Variants in CCKBR observed in about 807,000 individuals in gnomAD.
The protein encoded by CCKBR is cholecystokinin B receptor.
CCKBR carries 33 observed loss-of-function variants against 34.6 expected under a neutral mutation model. The observed-to-expected ratio is 0.95, with a 90% CI of 0.72 to 1.27. The LOEUF (loss-of-function observed/expected upper bound fraction) is 1.27, where lower values mean the gene tolerates loss of function less well. Among genes scored for constraint, CCKBR ranks in the 50% most tolerant of loss-of-function variants. CCKBR has a pLI of 0.00. For missense variants in CCKBR, 652 were observed against 617.4 expected (o/e 1.06, Z -0.59); for synonymous variants, 269 against 267.5 (o/e 1.01, Z -0.06).
rs776302797 is a variant in CCKBR at position 6,260,002 on chromosome 11, GGGC to G, written c.76_78del (p.Ala26del). 1.3e-6 allele frequency: 2 copies of G among 1,588,306 alleles called. No individual in the cohort carries two copies. The highest frequency in any genetic ancestry group is 2.3e-5 in the South Asian group (2 of 88,424). On this transcript the variant is annotated inframe_deletion, in exon 1 of 5. Coordinates refer to ENST00000334619, the MANE Select transcript of CCKBR (RefSeq NM_176875.4). The stretch of plus-strand genomic sequence containing the variant: ...CCGGGGGCTTCCCTGTGCCGCCCGG[GGGC>G]GCCTCTCCTCAACAGCAGCAGTGTG...
In CCKBR at chr11:6,270,721, C is replaced by A. The variant is rs202013673; in HGVS notation, c.729C>A (p.Arg243=). 1.4e-5 allele frequency: 22 copies of A among 1,614,190 alleles called. No individual in the cohort carries two copies. The highest frequency in any genetic ancestry group is 1.4e-5 in the Non-Finnish European group (16 of 1,180,036). The change falls in exon 4 of 5, where the codon CGC becomes CGA. Residue 243 remains arginine (R), a synonymous_variant. Transcript: ENST00000334619. ...VMAVAYGLIS[R]ELYLGLRFDG... is the part of the protein sequence containing the mutation. ...CCGTGGCCTACGGGCTTATCTCTCGCGAGCTCTACTTAGGGCTTCGCTTTG... is the reference window on the plus strand; with the variant it reads ...CCGTGGCCTACGGGCTTATCTCTCGAGAGCTCTACTTAGGGCTTCGCTTTG...
At position 6,269,708 on chromosome 11, in the gene CCKBR, T is replaced by G; in HGVS notation, c.191T>G (p.Ile64Ser). 1 of 1,614,130 alleles carries G rather than the reference T, an allele frequency of 6.2e-7. No individual in the cohort carries two copies. The highest frequency in any genetic ancestry group is 2.2e-5 in the East Asian group (1 of 44,870). The change falls in exon 2 of 5, where the codon ATC becomes AGC. Residue 64 changes from isoleucine (I) to serine (S), a missense_variant. Physicochemically the swap from Ile to Ser is moderately radical, Grantham distance 142. Transcript: ENST00000334619. ...ATTAGAATCACTCTTTACGCAGTGATCTTCCTGATGAGCGTTGGAGGAAAT... is the reference window on the plus strand; with the variant it reads ...ATTAGAATCACTCTTTACGCAGTGAGCTTCCTGATGAGCGTTGGAGGAAAT... ...LAIRITLYAV[I>S]FLMSVGGNML...
At position 6,269,905 on chromosome 11, in the gene CCKBR, G is replaced by GT. The variant is rs1848267571; in HGVS notation, c.391dup (p.Ser131PhefsTer122). Reference sequence around the variant, plus strand: ...CTTTGGCACCGTCATCTGCAAGGCGGTTTCCTACCTCATGGGTGGGTGAGA... The same window carrying GT: ...CTTTGGCACCGTCATCTGCAAGGCGGTTTTCCTACCTCATGGGTGGGTGAGA... On this transcript the variant is annotated frameshift_variant, in exon 2 of 5. Transcript: ENST00000334619. LOFTEE classifies it high-confidence loss of function. 1 of 1,613,848 alleles carries GT rather than the reference G, an allele frequency of 6.2e-7. No homozygotes were observed. The highest frequency in any genetic ancestry group is 1.3e-5 in the African/African-American group (1 of 74,878).
chr11:6,266,673 G>A (rs919833337), intron 1 of CCKBR, among the ~76,000 whole-genome samples: 2 of 152,076 alleles, frequency 1.3e-5, no homozygotes, highest in Non-Finnish European at 2.9e-5. Flanking sequence ...TGCTGAGTTC[G>A]GTTTGGAAGT....
chr11:6,261,462 T>TATACACACACACACACACAC (rs764173521), intron 1 of CCKBR, among the ~76,000 whole-genome samples: 1 of 64,000 alleles, frequency 1.6e-5, no homozygotes, highest in African/African-American at 6.0e-5. Flanking sequence ...AAAATATATA[T>TATACACACACACACACACAC]ACACACACAC....
At chr11:6,265,347 C>T (rs987459551) in intron 1 of CCKBR, among the ~76,000 whole-genome samples, 1 of 152,198 alleles carries the variant, frequency 6.6e-6, no homozygotes, top group African/African-American at 2.4e-5. Context: ...TATTTAGCTC[C>T]ATCTTTATGG....
At chr11:6,265,843 C>A (rs1383618206) in intron 1 of CCKBR, among the ~76,000 whole-genome samples, 1 of 152,170 alleles carries the variant, frequency 6.6e-6, no homozygotes, top group Non-Finnish European at 1.5e-5. Flanking sequence ...CAAGGACCTT[C>A]CAACATGTGT....
intron 1 of CCKBR, among the ~76,000 whole-genome samples, chr11:6,261,462 T>TATATATATATACACACACACACAC (rs764173521): frequency 2.5e-4 from 16 of 64,002 alleles, no homozygotes; most frequent in African/African-American, 8.4e-4. Context: ...AAAATATATA[T>TATATATATATACACACACACACAC]ACACACACAC....
chr11:6,271,425 G>A lies in CCKBR; in HGVS notation c.1226G>A (p.Cys409Tyr). 2 of 1,613,714 alleles carry A rather than the reference G, an allele frequency of 1.2e-6. No individual in the cohort carries two copies. The highest frequency in any genetic ancestry group is 1.7e-6 in the Non-Finnish European group (2 of 1,180,030). Residue 409 changes from cysteine to tyrosine, a missense_variant, in exon 5 of 5, where the codon TGC (cysteine) becomes TAC (tyrosine). Cys to Tyr is a radical substitution (Grantham distance 194). Transcript: ENST00000334619. ...TGCCTGGAAACTTGCGCTCGCTGCT[G>A]CCCCCGGCCTCCACGAGCTCGCCCC... The part of the protein sequence containing the change: ...QACLETCARC[C>Y]PRPPRARPRA...
Position 6,259,900 on chromosome 11 carries a change from T to TTAAAAA in CCKBR, c.-29_-28insTAAAAA. ...GCGTTGGGAGCCCGCCGGGTCGAGC[T>TTAAAAA]GAGTAAGGCGGCGGGCTCGGCGGGG... is the stretch of plus-strand genomic sequence containing the variant. On this transcript the variant is annotated 5_prime_UTR_variant, in exon 1 of 5. Transcript: ENST00000334619. 7.1e-7 allele frequency: 1 copy of TTAAAAA among 1,408,782 alleles called. No individual in the cohort carries two copies. The highest frequency in any genetic ancestry group is 9.2e-7 in the Non-Finnish European group (1 of 1,083,760). The allele number at this position is 1,408,782 out of a possible 1,614,324, so 87.3% of individuals were successfully genotyped here. A position where few individuals can be genotyped will look rare whatever the true frequency, so the allele number is the denominator to read the frequency against.
In CCKBR at chr11:6,270,724, G is replaced by T; in HGVS notation, c.732G>T (p.Glu244Asp). ...MAVAYGLISRELYLGLRFDGD... is the reference protein window; with the variant it reads ...MAVAYGLISRDLYLGLRFDGD... The stretch of plus-strand genomic sequence containing the variant: ...TGGCCTACGGGCTTATCTCTCGCGA[G>T]CTCTACTTAGGGCTTCGCTTTGACG... The change falls in exon 4 of 5, where the codon GAG becomes GAT. Residue 244 changes from glutamate (E) to aspartate (D), a missense_variant. Transcript: ENST00000334619. 6.2e-7 allele frequency: 1 copy of T among 1,614,176 alleles called. No individual in the cohort carries two copies. The highest frequency in any genetic ancestry group is 8.5e-7 in the Non-Finnish European group (1 of 1,180,040).
intron 1 of CCKBR, among the ~76,000 whole-genome samples, chr11:6,261,450 A>ATAT (rs1228835875): frequency 0.012 from 372 of 32,182 alleles, 10 homozygotes; most frequent in African/African-American, 0.025. Flanking sequence ...AAAAAAAAAA[A>ATAT]AAAAATATAT....
Position 6,270,352 on chromosome 11 carries a change from A to G in CCKBR, c.653+15A>G. The stretch of plus-strand genomic sequence containing the variant: ...CGCCAGACCTGGTGAGCTTGCCCAT[A>G]AACTATCCTAGGAATTCCTTTCTCA... On this transcript the variant is annotated intron_variant, in intron 3 of 4. Coordinates refer to ENST00000334619, the MANE Select transcript of CCKBR (RefSeq NM_176875.4). 1.2e-6 allele frequency: 2 copies of G among 1,605,616 alleles called. No individual in the cohort carries two copies. Among genetic ancestry groups the G allele is most frequent in the Non-Finnish European group, 1.7e-6 (2 of 1,175,096 alleles).
At position 6,270,864 on chromosome 11, in the gene CCKBR, C is replaced by A. The variant is rs1554920444; in HGVS notation, c.811+61C>A. 5 of 1,612,876 alleles carry A rather than the reference C, an allele frequency of 3.1e-6. No individual in the cohort carries two copies. In the South Asian group the frequency reaches 5.5e-5, roughly 18 times the overall value. On this transcript the variant is annotated intron_variant, in intron 4 of 4. Transcript: ENST00000334619. ...GCGGAGCTTTGGAGGGCGACGGGGC[C>A]TGCTGGAGTGGGTGGGACTGAAATG...
At chr11:6,266,051 C>T (rs761450166) in intron 1 of CCKBR, among the ~76,000 whole-genome samples, 3 of 152,076 alleles carry the variant, frequency 2.0e-5, no homozygotes, top group African/African-American at 7.2e-5. Context: ...TACTGGAGAG[C>T]GAGATGGACC....
At chr11:6,261,454 A>AAAAAAAAAT (rs1447691939) in intron 1 of CCKBR, among the ~76,000 whole-genome samples, 1 of 60,894 alleles carries the variant, frequency 1.6e-5, no homozygotes, top group African/African-American at 6.3e-5. Context: ...AAAAAAAAAA[A>AAAAAAAAAT]ATATATATAC....
At chr11:6,261,049 A>G (rs1564884481) in intron 1 of CCKBR, among the ~76,000 whole-genome samples, 15 of 152,198 alleles carry the variant, frequency 9.9e-5, no homozygotes, top group Admixed American at 8.5e-4. Context: ...CAAAAAGGGA[A>G]AGTTGGAATA....
chr11:6,264,582 G>A, intron 1 of CCKBR: 1 of 700,942 alleles, frequency 1.4e-6, no homozygotes, highest in Non-Finnish European at 2.6e-6. Context: ...AAGATGATGA[G>A]ATGATGCTCA....
chr11:6,262,369 G>T (rs754446380), intron 1 of CCKBR, among the ~76,000 whole-genome samples: 3 of 152,144 alleles, frequency 2.0e-5, no homozygotes, highest in Non-Finnish European at 4.4e-5. Context: ...GCCAGGCAGA[G>T]AAAGGAGAAT....
Sources: allele counts gnomAD v4.1 joint callset (sites outside exome capture counted in the v4.1 genomes callset), GRCh38; gene constraint gnomAD v4.1.1; transcripts MANE v1.5; gene names NCBI Gene and HGNC (gene_info 2026-07-23, HGNC 2026-07-21).